MYOF: variants seen among roughly 807,000 people sequenced by gnomAD.
MYOF encodes fer-1-like 3, myoferlin.
Under a neutral mutation model 284.2 loss-of-function variants are expected in MYOF, and 244 were observed. The ratio of observed to expected loss-of-function variants is 0.86; its 90% confidence interval spans 0.77 to 0.95. The LOEUF is 0.95. Among genes scored for constraint, MYOF ranks in the 40% least tolerant of loss-of-function variants. The pLI is 0.00. For missense variants in MYOF, 2,496 were observed against 2,560.6 expected (o/e 0.97, Z 0.54); for synonymous variants, 904 against 919.7 (o/e 0.98, Z 0.31).
chr10:93,329,001 C>T, intron 44 of MYOF, 90 bp from the exon 45 acceptor site: 1 of 1,372,864 alleles, frequency 7.3e-7, no homozygotes, highest in Non-Finnish European at 9.9e-7. Context: ...CTCTTAGGTG[C>T]TCCCATATAG....
intron 53 of MYOF, 78 bp from the exon 54 acceptor site, chr10:93,307,079 A>C: frequency 7.4e-7 from 1 of 1,352,334 alleles, no homozygotes; most frequent in Non-Finnish European, 1.0e-6. Context: ...CAATCTTGAG[A>C]AAAAATTGAC....
At chr10:93,412,455 T>C (rs573175295) in intron 5 of MYOF, among the ~76,000 whole-genome samples, 2 of 152,288 alleles carry the variant, frequency 1.3e-5, no homozygotes, top group South Asian at 4.1e-4. Flanking sequence ...CATCCTACTC[T>C]CTACCAGGTA....
chr10:93,426,044 G>T (rs1244832450), intron 5 of MYOF, 27 bp downstream of exon 5: 1 of 1,547,424 alleles, frequency 6.5e-7, no homozygotes, highest in Non-Finnish European at 8.7e-7. Flanking sequence ...CCTGGGGGTG[G>T]CTGGGCCTTC....
chr10:93,430,037 C>A (rs375975504), intron 4 of MYOF, among the ~76,000 whole-genome samples: 1 of 151,302 alleles, frequency 6.6e-6, no homozygotes, highest in Non-Finnish European at 1.5e-5. Flanking sequence ...TGGATTCGAG[C>A]GATTCTTCTG....
Position 93,306,914 on chromosome 10 carries a change from AG to A in MYOF, c.*48del, listed in dbSNP as rs773658453. The A allele has an allele frequency of 5.7e-6, 9 of 1,584,524 alleles. No homozygotes were observed. In the Admixed American group the frequency reaches 1.5e-4, roughly 27 times the overall value. On this transcript the variant is annotated 3_prime_UTR_variant, in exon 54 of 54. Transcript: ENST00000359263. ...ACACTGGATGTTGGTCTACAGAGGC[AG>A]GATTCTCTCATTGCTGGATGACTCT...
rs773125244 is a variant in MYOF at position 93,349,934 on chromosome 10, G to A, written c.3957C>T (p.Phe1319=). ...TGGGGGATGTGATAGAAGCCATCTG[G>A]AAGTTTTTCATATTTCTTAAGCCCC... ...LAWGLRNMKN[F]QMASITSPSL... Residue 1319 remains phenylalanine, a synonymous_variant, in exon 36 of 54, where the codon TTC becomes TTT. Transcript: ENST00000359263. 5.0e-6 allele frequency: 8 copies of A among 1,613,902 alleles called. No homozygotes were observed. Among genetic ancestry groups the A allele is most frequent in the Non-Finnish European group, 6.8e-6 (8 of 1,179,996 alleles).
At chr10:93,398,900 C>G (rs1031327416) in intron 13 of MYOF, among the ~76,000 whole-genome samples, 1 of 152,102 alleles carries the variant, frequency 6.6e-6, no homozygotes, top group African/African-American at 2.4e-5. Flanking sequence ...TTATAGCTGT[C>G]CCTACACCAA....
chr10:93,359,106 C>T (rs1844945658), intron 29 of MYOF, among the ~76,000 whole-genome samples: 1 of 152,164 alleles, frequency 6.6e-6, no homozygotes, highest in Non-Finnish European at 1.5e-5. Context: ...ATAGTGCCTA[C>T]CGGAGTTACC....
At chr10:93,447,245 C>T (rs188534752) in intron 3 of MYOF, among the ~76,000 whole-genome samples, 12 of 152,276 alleles carry the variant, frequency 7.9e-5, no homozygotes, top group Admixed American at 7.2e-4. Context: ...CTGATTGTCT[C>T]TCTTAGCTGA....
chr10:93,309,971 C>CGGCTTTCTTGTGAGT, intron 53 of MYOF, 49 bp downstream of exon 53: 1 of 1,610,980 alleles, frequency 6.2e-7, no homozygotes, highest in Non-Finnish European at 8.5e-7. Context: ...AGAGGACCAA[C>CGGCTTTCTTGTGAGT]TGCAACTCAC....
intron 15 of MYOF, among the ~76,000 whole-genome samples, chr10:93,396,872 A>G (rs998164572): frequency 6.6e-6 from 1 of 152,122 alleles, no homozygotes; most frequent in African/African-American, 2.4e-5. Flanking sequence ...TAGTTTTACC[A>G]TTTTCTTTTT....
At chr10:93,481,151 C>T (rs1212758629) in intron 1 of MYOF, among the ~76,000 whole-genome samples, 2 of 152,206 alleles carry the variant, frequency 1.3e-5, no homozygotes, top group African/African-American at 4.8e-5. Flanking sequence ...CCAAGCATTC[C>T]TGTCCCCTCC....
chr10:93,327,706 T>A (rs913913978), intron 45 of MYOF, among the ~76,000 whole-genome samples: 2 of 152,058 alleles, frequency 1.3e-5, no homozygotes, highest in African/African-American at 4.8e-5. Flanking sequence ...AAACATCTAA[T>A]CATCCCTGAT....
chr10:93,417,946 C>T (rs969961065), intron 5 of MYOF, among the ~76,000 whole-genome samples: 21 of 152,262 alleles, frequency 1.4e-4, no homozygotes, highest in African/African-American at 4.8e-4. Context: ...TACAGACGTG[C>T]ATCATCACAC....
chr10:93,457,908 T>C (rs528751127), intron 1 of MYOF, among the ~76,000 whole-genome samples: 10 of 133,130 alleles, frequency 7.5e-5, no homozygotes, highest in Non-Finnish European at 1.3e-4. Context: ...AATTTTTCTA[T>C]GTTTTTTTTT....
At chr10:93,423,142 A>G (rs977829366) in intron 5 of MYOF, among the ~76,000 whole-genome samples, 3 of 152,100 alleles carry the variant, frequency 2.0e-5, no homozygotes, top group Non-Finnish European at 2.9e-5. Context: ...GAAGGTTAGG[A>G]CTCACCCTAA....
At chr10:93,327,350 T>C (rs1261067442) in intron 45 of MYOF, among the ~76,000 whole-genome samples, 1 of 152,022 alleles carries the variant, frequency 6.6e-6, no homozygotes, top group Admixed American at 6.5e-5. Flanking sequence ...CAAACCTAAC[T>C]TGTGGACTGC....
chr10:93,319,070 C>A (rs1842743465), intron 49 of MYOF, among the ~76,000 whole-genome samples: 1 of 152,196 alleles, frequency 6.6e-6, no homozygotes, highest in Non-Finnish European at 1.5e-5. Context: ...ACAATCAGAG[C>A]ATCCCTGGGC....
rs1303215273 is a variant in MYOF, at chr10:93,454,549, CACAA to C, written c.144+2329_144+2332del. ...GGAGTTCTGTCAGGTGCTAGGAATC[CACAA>C]TGACCAACCCAAGGGGCCTCTTGCT... On this transcript the variant is annotated intron_variant, in intron 2 of 53. Transcript: ENST00000359263. Among the ~76,000 whole-genome samples the C allele has an allele frequency of 5.3e-5, 8 of 152,204 alleles. No homozygotes were observed. The Middle Eastern group carries it at 0.01, about 194-fold the overall frequency.
Sources: gnomAD v4.1 joint callset for allele counts (sites outside exome capture counted in the v4.1 genomes callset) on GRCh38, gnomAD v4.1.1 for gene constraint, MANE v1.5 for transcripts, NCBI Gene and HGNC (gene_info 2026-07-23, HGNC 2026-07-21) for gene names.